The following CTNNA3 variants were observed in gnomAD, a reference collection of about 807,000 sequenced individuals.
The protein encoded by CTNNA3 is catenin alpha-3.
A neutral mutation model predicts 95.7 loss-of-function variants in CTNNA3; 76 were observed. That is an observed-to-expected ratio of 0.79 (90% CI 0.66 to 0.96). The LOEUF (loss-of-function observed/expected upper bound fraction) is 0.96. CTNNA3 is among the 40% of genes least tolerant of loss of function. The pLI is 0.00. For missense variants in CTNNA3, 1,191 were observed against 1,089.8 expected (o/e 1.09, Z -1.31); for synonymous variants, 431 against 374.4 (o/e 1.15, Z -1.74).
rs2077011239 is a variant in CTNNA3, at chr10:65,916,648, GT to G, written c.*3681del. On this transcript the variant is annotated 3_prime_UTR_variant, in exon 18 of 18. Transcript: ENST00000433211. ...AATTCATAATTTTGACTAAAACTCT[GT>G]AAAATTTATTAGTCAATTTATACCT... The G allele has an allele frequency of 6.6e-6, 1 of 152,136 alleles. No homozygotes were observed. Among genetic ancestry groups the G allele is most frequent in the South Asian group, 2.1e-4 (1 of 4,830 alleles). 9.4% of individuals were successfully genotyped at this position (152,136 alleles called of 1,614,324 possible).
chr10:67,127,884 G>T (rs1324380463), intron 7 of CTNNA3, among the ~76,000 whole-genome samples: 2 of 152,030 alleles, frequency 1.3e-5, no homozygotes, highest in Non-Finnish European at 2.9e-5. Flanking sequence ...GTGTCTGTGT[G>T]TGTGTGTGCA....
chr10:67,186,857 T>C (rs774148942), intron 6 of CTNNA3, among the ~76,000 whole-genome samples: 25 of 152,324 alleles, frequency 1.6e-4, no homozygotes, highest in Non-Finnish European at 2.6e-4. Flanking sequence ...TTTTTAAATA[T>C]AATTAAGAGT....
At chr10:67,689,106 G>C (rs191447514) in intron 1 of CTNNA3, among the ~76,000 whole-genome samples, 1 of 152,272 alleles carries the variant, frequency 6.6e-6, no homozygotes, top group Non-Finnish European at 1.5e-5. Flanking sequence ...TATCCTGTTA[G>C]TATTGGGACC....
chr10:67,038,447 T>C (rs1854199144), intron 7 of CTNNA3, among the ~76,000 whole-genome samples: 2 of 151,998 alleles, frequency 1.3e-5, no homozygotes. Flanking sequence ...TATATGTCCA[T>C]TAATTAGAAA....
At chr10:66,519,804 C>G (rs1840993189) in intron 11 of CTNNA3, among the ~76,000 whole-genome samples, 1 of 152,158 alleles carries the variant, frequency 6.6e-6, no homozygotes, top group Non-Finnish European at 1.5e-5. Flanking sequence ...TCATCAGGAA[C>G]TTCTGAGGCT....
At chr10:66,386,038 A>G (rs763287121) in intron 11 of CTNNA3, among the ~76,000 whole-genome samples, 13 of 152,220 alleles carry the variant, frequency 8.5e-5, no homozygotes, top group Non-Finnish European at 1.6e-4. Context: ...CTGGCACAAG[A>G]CAAGGACGCC....
At chr10:67,607,591 A>T (rs1220889930) in intron 2 of CTNNA3, among the ~76,000 whole-genome samples, 4 of 152,162 alleles carry the variant, frequency 2.6e-5, no homozygotes, top group Non-Finnish European at 5.9e-5. Context: ...ATTGAAAAAA[A>T]ATCTGATTAA....
intron 13 of CTNNA3, among the ~76,000 whole-genome samples, chr10:66,178,440 T>TATATATATATATATAC (rs1231414006): frequency 9.5e-6 from 1 of 105,762 alleles, no homozygotes; most frequent in African/African-American, 3.6e-5. Context: ...TATATATATA[T>TATATATATATATATAC]ATACACACAC....
At chr10:67,380,819 A>G (rs556241847) in intron 5 of CTNNA3, among the ~76,000 whole-genome samples, 55 of 152,316 alleles carry the variant, frequency 3.6e-4, no homozygotes, top group African/African-American at 1.3e-3. Flanking sequence ...CTTATTTGCA[A>G]TCTTGGAAGG....
intron 6 of CTNNA3, among the ~76,000 whole-genome samples, chr10:67,193,835 T>C (rs2132183292): frequency 6.8e-6 from 1 of 147,078 alleles, no homozygotes; most frequent in African/African-American, 2.7e-5. Flanking sequence ...GAACAATTTA[T>C]ATTCCTTTGG....
Position 67,446,614 on chromosome 10 carries a change from T to G in CTNNA3, c.579+75228A>C, listed in dbSNP as rs60782963. On this transcript the variant is annotated intron_variant, in intron 5 of 17. Transcript: ENST00000433211. The stretch of plus-strand genomic sequence containing the variant: ...TTCAGAAAACTTGTAAGTACTTTCT[T>G]CTCGCTTTGAAATGTATATAAATCC... Among the ~76,000 whole-genome samples the G allele has an allele frequency of 6.1e-3, 929 of 152,304 alleles. 8 individuals are homozygous for G. The highest frequency in any genetic ancestry group is 0.021 in the African/African-American group (892 of 41,568).
chr10:65,944,037 C>T (rs1198822833), intron 17 of CTNNA3, among the ~76,000 whole-genome samples: 1 of 152,122 alleles, frequency 6.6e-6, no homozygotes, highest in African/African-American at 2.4e-5. Context: ...AGGCAAATAC[C>T]TCTTCTATAA....
intron 5 of CTNNA3, among the ~76,000 whole-genome samples, chr10:67,316,239 C>T (rs1020313525): frequency 7.2e-5 from 11 of 152,042 alleles, no homozygotes; most frequent in Admixed American, 6.6e-4. Flanking sequence ...CTATATTTTG[C>T]TCAATATAGA....
chr10:67,151,505 C>T (rs1589798779), intron 7 of CTNNA3, among the ~76,000 whole-genome samples: 1 of 152,124 alleles, frequency 6.6e-6, no homozygotes, highest in African/African-American at 2.4e-5. Context: ...TAATCAGGAA[C>T]AAAACAAGCT....
At chr10:67,001,932 G>T (rs879652133) in intron 7 of CTNNA3, among the ~76,000 whole-genome samples, 12 of 152,082 alleles carry the variant, frequency 7.9e-5, no homozygotes, top group Admixed American at 7.9e-4. Flanking sequence ...TTTCAGTCAG[G>T]GCTTCACCAT....
chr10:65,988,937 T>C, intron 15 of CTNNA3, 140 bp from the exon 16 acceptor site: 6 of 601,080 alleles, frequency 1.0e-5, no homozygotes, highest in Non-Finnish European at 1.7e-5. Flanking sequence ...AGAACGGCTA[T>C]TGTTTTTGTG....
At chr10:67,633,599 C>T (rs1243486141) in intron 2 of CTNNA3, among the ~76,000 whole-genome samples, 1 of 152,128 alleles carries the variant, frequency 6.6e-6, no homozygotes, top group Non-Finnish European at 1.5e-5. Flanking sequence ...ACTGAGGCAA[C>T]TAGGGTCTGG....
At chr10:67,193,520 C>T (rs1863212861) in intron 6 of CTNNA3, among the ~76,000 whole-genome samples, 1 of 151,854 alleles carries the variant, frequency 6.6e-6, no homozygotes, top group African/African-American at 2.4e-5. Flanking sequence ...CTCTATTAGG[C>T]ACCAGTGCCT....
chr10:67,403,363 A>T (rs1844997668), intron 5 of CTNNA3: 3 of 152,294 alleles, frequency 2.0e-5, no homozygotes, highest in Admixed American at 2.0e-4. Context: ...AGCCCATTCC[A>T]GCCTGTAGGC....
Sources: gnomAD v4.1 joint callset for allele counts (sites outside exome capture counted in the v4.1 genomes callset) on GRCh38, gnomAD v4.1.1 for gene constraint, MANE v1.5 for transcripts, NCBI Gene and HGNC (gene_info 2026-07-23, HGNC 2026-07-21) for gene names.